The following KCNN2 variants were observed in gnomAD, a reference collection of about 807,000 sequenced individuals.
The protein encoded by KCNN2 is potassium calcium-activated channel subfamily N member 2.
In KCNN2, 24 loss-of-function variants were observed where a neutral mutation model predicts 55.5. That is an observed-to-expected ratio of 0.43 (90% CI 0.31 to 0.61). The LOEUF (loss-of-function observed/expected upper bound fraction) is 0.61. Ranked by LOEUF, KCNN2 falls within the 20% of genes least tolerant of loss-of-function variation. The pLI, the probability that KCNN2 is intolerant of heterozygous loss-of-function variation, is 0.08. For synonymous variants in KCNN2, 431 were observed against 336.1 expected, an observed-to-expected ratio of 1.28 and a Z score of -3.09; for missense variants, 754 against 853.6, an observed-to-expected ratio of 0.88 and a Z score of 1.45.
intron 3 of KCNN2, among the ~76,000 whole-genome samples, chr5:114,435,812 AAAAC>A (rs946324524): frequency 6.6e-6 from 1 of 152,200 alleles, no homozygotes; most frequent in African/African-American, 2.4e-5. Flanking sequence ...CATGAATATG[AAAAC>A]AAACTTTAGT....
At chr5:114,293,136 A>G (rs1008354975) in intron 2 of KCNN2, among the ~76,000 whole-genome samples, 3 of 152,196 alleles carry the variant, frequency 2.0e-5, no homozygotes, top group Admixed American at 1.3e-4. Context: ...GTCATCTGCA[A>G]ACAGGGACAA....
intron 3 of KCNN2, among the ~76,000 whole-genome samples, chr5:114,415,976 A>G (rs904466489): frequency 6.6e-6 from 1 of 152,142 alleles, no homozygotes; most frequent in African/African-American, 2.4e-5. Flanking sequence ...GAAGAGGCTT[A>G]ACTCCCTTGT....
At chr5:114,275,639 C>T (rs1001366867) in intron 2 of KCNN2, among the ~76,000 whole-genome samples, 8 of 152,120 alleles carry the variant, frequency 5.3e-5, no homozygotes, top group Non-Finnish European at 1.2e-4. Flanking sequence ...TTATAGTATT[C>T]TCTGATGGTA....
chr5:114,195,005 T>A lies in KCNN2; in HGVS notation c.-270-26475T>A, dbSNP rs1753523918. On this transcript the variant is annotated intron_variant, in intron 1 of 10. Transcript: ENST00000512097. ...TGTGCAAAATTAATGGACTATAGTG[T>A]AAAGGTTTTGTTGTGGATTCTTAAT... Among the ~76,000 whole-genome samples, 9 of 152,060 alleles carry A rather than the reference T, an allele frequency of 5.9e-5. No homozygotes were observed. In the South Asian group the frequency reaches 1.9e-3, roughly 31 times the overall value.
chr5:114,120,858 A>G (rs370217492), intron 1 of KCNN2, among the ~76,000 whole-genome samples: 1 of 152,336 alleles, frequency 6.6e-6, no homozygotes, highest in East Asian at 1.9e-4. Context: ...TAGGAGATAT[A>G]TTTTATAAGT....
chr5:114,395,934 T>C (rs1758600517), intron 2 of KCNN2, among the ~76,000 whole-genome samples: 1 of 152,216 alleles, frequency 6.6e-6, no homozygotes, highest in Admixed American at 6.5e-5. Flanking sequence ...TCTCATACGA[T>C]TACCCAAATA....
intron 2 of KCNN2, among the ~76,000 whole-genome samples, chr5:114,296,039 G>A (rs1002882428): frequency 1.8e-4 from 27 of 152,224 alleles, no homozygotes; most frequent in African/African-American, 6.3e-4. Context: ...CAAAAATAAA[G>A]ATGTGATTGT....
intron 2 of KCNN2, among the ~76,000 whole-genome samples, chr5:114,397,517 G>A (rs1374585762): frequency 6.6e-6 from 1 of 152,082 alleles, no homozygotes; most frequent in Non-Finnish European, 1.5e-5. Context: ...CTCCTGAGTA[G>A]CTGAGATTAC....
intron 2 of KCNN2, among the ~76,000 whole-genome samples, chr5:114,353,141 T>A (rs184950379): frequency 1.3e-5 from 2 of 152,006 alleles, no homozygotes; most frequent in East Asian, 3.9e-4. Context: ...AAAATTGTCT[T>A]CTTTGTCTCC....
chr5:114,399,553 A>G (rs1417466179), intron 2 of KCNN2, among the ~76,000 whole-genome samples: 1 of 152,032 alleles, frequency 6.6e-6, no homozygotes, highest in Non-Finnish European at 1.5e-5. Context: ...ATTTACCTGA[A>G]GTTTTATTTT....
chr5:114,427,377 AG>A (rs1249381913), intron 3 of KCNN2, among the ~76,000 whole-genome samples: 6 of 152,184 alleles, frequency 3.9e-5, no homozygotes, highest in Non-Finnish European at 7.4e-5. Context: ...GGACCAACTG[AG>A]GGGAGTGGGA....
At chr5:114,413,275 G>GTT (rs1369645642) in intron 3 of KCNN2, among the ~76,000 whole-genome samples, 1 of 152,014 alleles carries the variant, frequency 6.6e-6, no homozygotes, top group African/African-American at 2.4e-5. Flanking sequence ...GTTTTGTTTT[G>GTT]TTTTGTTTTT....
At chr5:114,463,321 A>C in intron 4 of KCNN2, 131 bp downstream of exon 4, 1 of 656,252 alleles carries the variant, frequency 1.5e-6, no homozygotes, top group Non-Finnish European at 2.5e-6. Context: ...AAATAAATCA[A>C]TTTTGTGTTG....
intron 1 of KCNN2, among the ~76,000 whole-genome samples, chr5:114,093,934 A>G (rs2721308): frequency 0.026 from 3,967 of 152,268 alleles, 179 homozygotes; most frequent in African/African-American, 0.09. Flanking sequence ...ACCTCAGTTT[A>G]TAGGTGAAAA....
intron 4 of KCNN2, among the ~76,000 whole-genome samples, chr5:114,465,302 T>C (rs1480782742): frequency 6.6e-6 from 1 of 152,168 alleles, no homozygotes; most frequent in Admixed American, 6.5e-5. Flanking sequence ...TCACTACTGA[T>C]CTTACTTTGC....
intron 2 of KCNN2, among the ~76,000 whole-genome samples, chr5:114,339,708 T>A (rs897493948): frequency 2.0e-5 from 3 of 151,630 alleles, no homozygotes; most frequent in South Asian, 2.1e-4. Context: ...AAGGCTGAGG[T>A]GGGAGGATTG....
At chr5:114,344,475 A>G (rs933114763) in intron 2 of KCNN2, among the ~76,000 whole-genome samples, 3 of 152,192 alleles carry the variant, frequency 2.0e-5, no homozygotes, top group Admixed American at 6.5e-5. Context: ...AGTATTAACA[A>G]CCTGGGAAGC....
chr5:114,365,581 T>G (rs529909765), intron 2 of KCNN2, among the ~76,000 whole-genome samples: 1 of 152,202 alleles, frequency 6.6e-6, no homozygotes, highest in East Asian at 1.9e-4. Flanking sequence ...AGCTAGACAG[T>G]GCACAGTGAG....
intron 3 of KCNN2, among the ~76,000 whole-genome samples, chr5:114,454,591 G>A (rs755412436): frequency 4.9e-4 from 74 of 152,262 alleles, no homozygotes; most frequent in African/African-American, 6.7e-4. Flanking sequence ...GGAAGTGAAG[G>A]AAAGAGACTA....
Sources: gnomAD v4.1 joint callset for allele counts (sites outside exome capture counted in the v4.1 genomes callset) on GRCh38, gnomAD v4.1.1 for gene constraint, MANE v1.5 for transcripts, NCBI Gene and HGNC (gene_info 2026-07-23, HGNC 2026-07-21) for gene names.